The following OIT3 variants were observed in gnomAD, a reference collection of about 807,000 sequenced individuals.
OIT3 encodes the protein oncoprotein induced transcript 3.
OIT3 carries 41 observed loss-of-function variants against 52.2 expected under a neutral mutation model. The ratio of observed to expected loss-of-function variants is 0.79; its 90% confidence interval spans 0.61 to 1.02. OIT3 has a LOEUF of 1.02. OIT3 is among the 50% of genes least tolerant of loss of function. The pLI, the probability that OIT3 is intolerant of heterozygous loss-of-function variation, is 0.00. For synonymous variants in OIT3, 244 were observed against 276.9 expected, an observed-to-expected ratio of 0.88 and a Z score of 1.18; for missense variants, 634 against 715.5, an observed-to-expected ratio of 0.89 and a Z score of 1.30.
intron 6 of OIT3, among the ~76,000 whole-genome samples, chr10:72,914,083 G>C (rs1233314279): frequency 1.3e-5 from 2 of 152,214 alleles, no homozygotes; most frequent in African/African-American, 4.8e-5. Context: ...TTGGATCCAG[G>C]TGGAAGTGTG....
chr10:72,899,822 G>A (rs1001656407), intron 2 of OIT3, among the ~76,000 whole-genome samples: 3 of 152,000 alleles, frequency 2.0e-5, no homozygotes, highest in Non-Finnish European at 2.9e-5. Context: ...ATTTTTTTAA[G>A]TGATATACAA....
intron 8 of OIT3, 27 bp downstream of exon 8, chr10:72,930,664 C>T: frequency 7.6e-7 from 1 of 1,316,648 alleles, no homozygotes; most frequent in Non-Finnish European, 1.1e-6. Context: ...TAATTTATAA[C>T]CCCTGAACCT....
At chr10:72,909,224 G>A (rs1846008466) in intron 4 of OIT3, among the ~76,000 whole-genome samples, 1 of 150,394 alleles carries the variant, frequency 6.6e-6, no homozygotes, top group South Asian at 2.1e-4. Context: ...GGGCTAAGGT[G>A]ATCCTCCCAC....
In OIT3 at chr10:72,906,711, T is replaced by C. The variant is rs1186549019; in HGVS notation, c.660T>C (p.Thr220=). ...VGRVLRSDGK[T]CEDVEGCHNN... Reference sequence around the variant, plus strand: ...GTGTGCTAAGAAGTGATGGCAAGACTTGTGAAGGTGAGAATGGGCAAAAAG... The same window carrying C: ...GTGTGCTAAGAAGTGATGGCAAGACCTGTGAAGGTGAGAATGGGCAAAAAG... The change falls in exon 4 of 9, where the codon ACT becomes ACC. Residue 220 remains threonine, a synonymous_variant. Transcript: ENST00000334011. The C allele has an allele frequency of 1.9e-6, 3 of 1,580,326 alleles. No homozygotes were observed. Among genetic ancestry groups the C allele is most frequent in the Middle Eastern group, 1.7e-4 (1 of 5,798 alleles).
At chr10:72,894,303 G>GA (rs1845855107) in intron 1 of OIT3, among the ~76,000 whole-genome samples, 1 of 152,196 alleles carries the variant, frequency 6.6e-6, no homozygotes, top group Non-Finnish European at 1.5e-5. Flanking sequence ...CTTTATGTCA[G>GA]AAAATAAGAC....
intron 7 of OIT3, among the ~76,000 whole-genome samples, chr10:72,925,869 A>G (rs1291309437): frequency 2.0e-5 from 3 of 152,224 alleles, no homozygotes; most frequent in Non-Finnish European, 4.4e-5. Flanking sequence ...GGCCTCCCAA[A>G]GTGCTGGGAT....
intron 6 of OIT3, among the ~76,000 whole-genome samples, chr10:72,920,030 T>G (rs1846107997): frequency 6.6e-6 from 1 of 152,192 alleles, no homozygotes; most frequent in East Asian, 1.9e-4. Context: ...TGGTACCAGC[T>G]CTTCTTTGTA....
chr10:72,906,626 G>A lies in OIT3; in HGVS notation c.575G>A (p.Gly192Asp). ...AATGAATGTGAGCAAAACAACGGTG[G>A]CTGCAGTGAGATCTGTGTGAACCTC... The part of the protein sequence containing the change: ...DENECEQNNG[G>D]CSEICVNLKN... Residue 192 changes from glycine to aspartate, a missense_variant, in exon 4 of 9, where the codon GGC becomes GAC. By Grantham distance (94) the Gly-to-Asp change is moderately conservative. Transcript: ENST00000334011. The A allele has an allele frequency of 6.2e-7, 1 of 1,613,898 alleles. No homozygotes were observed.
At chr10:72,899,684 C>G (rs1235223931) in intron 2 of OIT3, among the ~76,000 whole-genome samples, 2 of 149,544 alleles carry the variant, frequency 1.3e-5, no homozygotes, top group African/African-American at 4.9e-5. Context: ...ATGGAGAACC[C>G]CTTTTTAAGA....
intron 6 of OIT3, 40 bp downstream of exon 6, chr10:72,913,508 G>A: frequency 1.3e-6 from 2 of 1,549,988 alleles, no homozygotes; most frequent in Non-Finnish European, 8.9e-7. Flanking sequence ...ATGACCAAAA[G>A]CCGGTTATTT....
rs749814581 is a variant in OIT3 at position 72,912,272 on chromosome 10, CT to C, written c.790+450del. Among the ~76,000 whole-genome samples the C allele has an allele frequency of 7.1e-3, 887 of 125,806 alleles. 2 individuals are homozygous for C. The highest frequency in any genetic ancestry group is 0.012 in the Middle Eastern group (3 of 244). The allele number at this position is 125,806 out of a possible 152,430, so 82.5% of individuals were successfully genotyped here. A position where few individuals can be genotyped will look rare whatever the true frequency, so the allele number is the denominator to read the frequency against. ...TTCTGGAAATCTAATTCTTTTTTTT[CT>C]TTTTTTTTTTTTTTTTGGCAGAGTC... On this transcript the variant is annotated intron_variant, in intron 5 of 8. Coordinates refer to ENST00000334011, the MANE Select transcript of OIT3 (RefSeq NM_152635.3).
chr10:72,920,289 T>C (rs2132944123), intron 6 of OIT3, among the ~76,000 whole-genome samples: 1 of 152,344 alleles, frequency 6.6e-6, no homozygotes, highest in Admixed American at 6.5e-5. Context: ...CCCCTTATCA[T>C]TTCTGATTGT....
At chr10:72,893,950 C>T in intron 1 of OIT3, 91 bp downstream of exon 1, 3 of 766,532 alleles carry the variant, frequency 3.9e-6, no homozygotes, top group Non-Finnish European at 6.3e-6. Context: ...GATTCCAGTA[C>T]CTTAAATGCT....
At position 72,917,387 on chromosome 10, in the gene OIT3, C is replaced by T. The variant is rs55845607; in HGVS notation, c.951+3919C>T. Among the ~76,000 whole-genome samples, 5 of 151,986 alleles carry T rather than the reference C, an allele frequency of 3.3e-5. No homozygotes were observed. The East Asian group carries it at 9.6e-4, about 29-fold the overall frequency. ...TCTCCCCATCGTTTCCATGCCCAACCACCGCTACTACGATGTCCTATCATA... is the reference window on the plus strand; with the variant it reads ...TCTCCCCATCGTTTCCATGCCCAACTACCGCTACTACGATGTCCTATCATA... On this transcript the variant is annotated intron_variant, in intron 6 of 8. Coordinates refer to ENST00000334011, the MANE Select transcript of OIT3 (RefSeq NM_152635.3).
At position 72,906,641 on chromosome 10, in the gene OIT3, G is replaced by T. The variant is rs775068786; in HGVS notation, c.590G>T (p.Cys197Phe). 12 of 1,613,558 alleles carry T rather than the reference G, an allele frequency of 7.4e-6. No individual in the cohort carries two copies. The highest frequency in any genetic ancestry group is 1.6e-4 in the Middle Eastern group (1 of 6,082). The change falls in exon 4 of 9, where the codon TGT becomes TTT. Residue 197 changes from cysteine (C) to phenylalanine (F), a missense_variant. Coordinates refer to ENST00000334011, the MANE Select transcript of OIT3 (RefSeq NM_152635.3). ...AACAACGGTGGCTGCAGTGAGATCT[G>T]TGTGAACCTCAAAAACTCCTACCGC... ...EQNNGGCSEICVNLKNSYRCE... is the reference protein window; with the variant it reads ...EQNNGGCSEIFVNLKNSYRCE...
intron 6 of OIT3, among the ~76,000 whole-genome samples, chr10:72,921,874 G>T (rs1203131974): frequency 2.0e-5 from 3 of 151,746 alleles, no homozygotes; most frequent in African/African-American, 7.3e-5. Context: ...GTTTCATCAT[G>T]TTGGCCAGGC....
intron 1 of OIT3, among the ~76,000 whole-genome samples, chr10:72,897,070 CT>C (rs1845881024): frequency 6.6e-6 from 1 of 152,150 alleles, no homozygotes; most frequent in Admixed American, 6.5e-5. Context: ...CTTGCCCAGG[CT>C]GGAATGCAAT....
chr10:72,904,482 C>G (rs535433070), intron 3 of OIT3, among the ~76,000 whole-genome samples: 14 of 152,172 alleles, frequency 9.2e-5, no homozygotes, highest in African/African-American at 3.4e-4. Flanking sequence ...ACTTTCCAGG[C>G]AGTATAATGA....
intron 3 of OIT3, among the ~76,000 whole-genome samples, chr10:72,902,146 C>T (rs1024143037): frequency 1.3e-5 from 2 of 151,976 alleles, no homozygotes; most frequent in African/African-American, 4.8e-5. Flanking sequence ...CTGCCATAGG[C>T]GTTGTTAGGG....
Sources: allele counts gnomAD v4.1 joint callset (sites outside exome capture counted in the v4.1 genomes callset), GRCh38; gene constraint gnomAD v4.1.1; transcripts MANE v1.5; gene names NCBI Gene and HGNC (gene_info 2026-07-23, HGNC 2026-07-21).